The following TNS1 variants were observed in gnomAD, a reference collection of about 807,000 sequenced individuals.
TNS1 encodes tensin-1.
A neutral mutation model predicts 168.6 loss-of-function variants in TNS1; 62 were observed. The observed-to-expected ratio is 0.37, with a 90% confidence interval of 0.30 to 0.45. The LOEUF is 0.45. Ranked by LOEUF, TNS1 falls within the 20% of genes least tolerant of loss-of-function variation. The probability of loss-of-function intolerance (pLI) is 1.00; values close to 1 mark genes in which losing one functional copy is unlikely to be tolerated. For missense variants in TNS1, 2,240 were observed against 2,339.4 expected (o/e 0.96, Z 0.88); for synonymous variants, 934 against 933.2 (o/e 1.00, Z -0.02).
rs1055002626 is a variant in TNS1 at position 217,850,102 on chromosome 2, A to G, written c.1430-1015T>C. On this transcript the variant is annotated intron_variant, in intron 18 of 32. Transcript: ENST00000682258. ...CAGCAAGCTCAGCCCATACCACTCA[A>G]GACTCCAGGAAAGGGACGCGGGTCC... The G allele has an allele frequency of 5.2e-5, 51 of 985,358 alleles. No homozygotes were observed. In the Admixed American group the frequency reaches 1.2e-3, roughly 23 times the overall value. The allele number at this position is 985,358 out of a possible 1,614,324, so 61.0% of individuals were successfully genotyped here. A position where few individuals can be genotyped will look rare whatever the true frequency, so the allele number is the denominator to read the frequency against.
chr2:218,022,200 G>A (rs994377771), intron 1 of TNS1, among the ~76,000 whole-genome samples: 2 of 151,674 alleles, frequency 1.3e-5, no homozygotes, highest in African/African-American at 4.8e-5. Flanking sequence ...AGACAGAGGA[G>A]TAGGCAGGGA....
intron 18 of TNS1, among the ~76,000 whole-genome samples, chr2:217,872,016 C>T (rs889642867): frequency 2.6e-5 from 4 of 152,246 alleles, no homozygotes; most frequent in Non-Finnish European, 2.9e-5. Context: ...AGACCCACCA[C>T]GTTGGAATCC....
rs577811776 is a variant in TNS1, at chr2:218,010,136, C to A, written c.60G>T (p.Ser20=). 345 of 399,102 alleles carry A rather than the reference C, an allele frequency of 8.6e-4. 4 individuals are homozygous for A. Among genetic ancestry groups the A allele is most frequent in the Middle Eastern group, 6.3e-4 (1 of 1,592 alleles). The allele number at this position is 399,102 out of a possible 1,614,324, so 24.7% of individuals were successfully genotyped here. Residue 20 remains serine, a synonymous_variant, in exon 1 of 33, where the codon TCG becomes TCT. Coordinates refer to the TNS1 transcript ENST00000646520. ...GGCAGAAGCGCAGGGGCAGGAGGCA[C>A]GAGAAGAGGTACTTGCCCCATCGGA...
intron 4 of TNS1, among the ~76,000 whole-genome samples, chr2:217,916,322 C>G (rs1315114380): frequency 6.6e-6 from 1 of 151,514 alleles, no homozygotes; most frequent in Non-Finnish European, 1.5e-5. Context: ...GACCTGCAGA[C>G]CTCCAAGTCA....
chr2:217,810,049 C>A, intron 29 of TNS1, 58 bp from the exon 30 acceptor site: 1 of 1,570,824 alleles, frequency 6.4e-7, no homozygotes, highest in Non-Finnish European at 8.7e-7. Flanking sequence ...AGGACATTAA[C>A]CCAGATCCAT....
chr2:218,011,476 T>A (rs146917318), upstream of TNS1, among the ~76,000 whole-genome samples: 445 of 152,164 alleles, frequency 2.9e-3, 1 homozygote, highest in Middle Eastern at 6.8e-3. Flanking sequence ...GGGGGCCTCT[T>A]CCGCAGCAAG....
In TNS1 at chr2:217,927,908, C is replaced by T. The variant is rs149010096; in HGVS notation, c.187-7672G>A. 3.0e-4 allele frequency among the ~76,000 whole-genome samples: 46 copies of T among 152,334 alleles called. No homozygotes were observed. The East Asian group carries it at 7.9e-3, about 26-fold the overall frequency. ...CAGAGCGGTCCAGAAAAAATCCAGA[C>T]AATAATCCCAGAAGGCCCCAGTCTC... On this transcript the variant is annotated intron_variant, in intron 3 of 32. Coordinates refer to ENST00000682258, the MANE Select transcript of TNS1 (RefSeq NM_001387777.1).
chr2:217,845,383 T>C (rs1309963436), intron 19 of TNS1, among the ~76,000 whole-genome samples: 1 of 152,198 alleles, frequency 6.6e-6, no homozygotes, highest in Non-Finnish European at 1.5e-5. Context: ...TTTCCACACA[T>C]TGATCTTGTC....
chr2:217,889,527 C>T (rs979168225), intron 12 of TNS1, among the ~76,000 whole-genome samples: 7 of 152,206 alleles, frequency 4.6e-5, no homozygotes, highest in African/African-American at 1.2e-4. Context: ...TCCTTTATCC[C>T]GTGCGTTCAC....
At chr2:218,007,563 G>A (rs924176353), upstream of TNS1, among the ~76,000 whole-genome samples, 1 of 108,174 alleles carries the variant, frequency 9.2e-6, no homozygotes, top group Non-Finnish European at 2.1e-5. Context: ...GAGGCTCGGG[G>A]GGTGGGGGGG....
At chr2:217,900,714 C>A in intron 6 of TNS1, 1 of 610,234 alleles carries the variant, frequency 1.6e-6, no homozygotes, top group Non-Finnish European at 2.9e-6. Context: ...GTGTGCCTGC[C>A]TGTGTGCAAG....
In TNS1 at chr2:217,818,867, T is replaced by C. The variant is rs561152713; in HGVS notation, c.3573-108A>G. 36 of 866,960 alleles carry C rather than the reference T, an allele frequency of 4.2e-5. No homozygotes were observed. The African/African-American group carries it at 5.7e-4, about 14-fold the overall frequency. The allele number at this position is 866,960 out of a possible 1,614,324, so 53.7% of individuals were successfully genotyped here. On this transcript the variant is annotated intron_variant, in intron 23 of 32. Transcript: ENST00000682258. ...CAACCATGAACAACAGTAAGAATGG[T>C]CCCACTGGCAGTGCGGAAGGACATC...
chr2:217,952,740 T>G (rs72951940), intron 3 of TNS1, among the ~76,000 whole-genome samples: 288 of 152,312 alleles, frequency 1.9e-3, no homozygotes, highest in Non-Finnish European at 3.4e-3. Flanking sequence ...TGAAGACCCC[T>G]TCCCAGCAGG....
At chr2:218,018,581 T>A (rs1958782073) in intron 1 of TNS1, among the ~76,000 whole-genome samples, 4 of 152,190 alleles carry the variant, frequency 2.6e-5, no homozygotes, top group Admixed American at 2.6e-4. Flanking sequence ...CTTTCCCCAA[T>A]CAGGCCTCAC....
intron 1 of TNS1, among the ~76,000 whole-genome samples, chr2:218,020,509 C>T (rs1440143630): frequency 1.3e-5 from 2 of 151,974 alleles, no homozygotes; most frequent in Admixed American, 1.3e-4. Flanking sequence ...GCCTGGGGAA[C>T]CACCGAGAAG....
chr2:217,918,535 C>T lies in TNS1; in HGVS notation c.228+1660G>A, dbSNP rs114142683. On this transcript the variant is annotated intron_variant, in intron 4 of 32. Coordinates refer to ENST00000682258, the MANE Select transcript of TNS1 (RefSeq NM_001387777.1). ...CTTCTGGATTCTAACTGCAGTCCCC[C>T]CAGCTGGAATGCCAACCTATTCCCT... 4.5e-3 allele frequency among the ~76,000 whole-genome samples: 685 copies of T among 152,300 alleles called. 2 individuals are homozygous for T. The highest frequency in any genetic ancestry group is 7.7e-3 in the Non-Finnish European group (523 of 68,016).
Position 217,801,123 on chromosome 2 carries a change from C to T in TNS1, c.*3336G>A, listed in dbSNP as rs1937423629. ...TTTCAGAGCTACTGGAGGAGACGCTCAGATGACATGGGTCAAAGGCCTTTC... is the reference window on the plus strand; with the variant it reads ...TTTCAGAGCTACTGGAGGAGACGCTTAGATGACATGGGTCAAAGGCCTTTC... On this transcript the variant is annotated 3_prime_UTR_variant, in exon 33 of 33. Coordinates refer to ENST00000682258, the MANE Select transcript of TNS1 (RefSeq NM_001387777.1). 6.6e-6 allele frequency: 1 copy of T among 152,208 alleles called. No homozygotes were observed. 9.4% of individuals were successfully genotyped at this position (152,208 alleles called of 1,614,324 possible).
intron 3 of TNS1, among the ~76,000 whole-genome samples, chr2:217,958,656 C>T (rs772838066): frequency 1.3e-5 from 2 of 152,238 alleles, no homozygotes. Flanking sequence ...GCGACCTTCT[C>T]AACGCCCCAA....
intron 32 of TNS1, among the ~76,000 whole-genome samples, chr2:217,805,584 AACACACAC>A (rs1938692166): frequency 9.0e-4 from 3 of 3,344 alleles, no homozygotes; most frequent in Non-Finnish European, 1.4e-3. Flanking sequence ...CCACACACAC[AACACACAC>A]CACCACACAC....
Sources: allele counts gnomAD v4.1 joint callset (sites outside exome capture counted in the v4.1 genomes callset), GRCh38; gene constraint gnomAD v4.1.1; transcripts MANE v1.5; gene names NCBI Gene and HGNC (gene_info 2026-07-23, HGNC 2026-07-21).